The following SCNN1B variants were observed in gnomAD, a reference collection of about 807,000 sequenced individuals.
SCNN1B encodes epithelial sodium channel subunit beta.
In SCNN1B, 46 loss-of-function variants were observed where a neutral mutation model predicts 65.3. That is an observed-to-expected ratio of 0.70 (90% CI 0.56 to 0.90). The LOEUF is 0.90. Among genes scored for constraint, SCNN1B ranks in the 40% least tolerant of loss-of-function variants. The pLI, the probability that SCNN1B is intolerant of heterozygous loss-of-function variation, is 0.00. For synonymous variants in SCNN1B, 349 were observed against 330.6 expected (o/e 1.06, Z -0.60); for missense variants, 751 against 830.5 (o/e 0.90, Z 1.18).
At chr16:23,311,596 G>T (rs60280007) in intron 1 of SCNN1B, among the ~76,000 whole-genome samples, 2 of 152,134 alleles carry the variant, frequency 1.3e-5, no homozygotes, top group African/African-American at 4.8e-5. Context: ...ACCCCAGGAG[G>T]GATTACCTTT....
chr16:23,378,822 G>T (rs534147328), intron 11 of SCNN1B, 55 bp downstream of exon 11: 2 of 1,541,232 alleles, frequency 1.3e-6, no homozygotes, highest in Admixed American at 3.3e-5. Context: ...CCAGAAACTC[G>T]GGGCAGGAGT....
Position 23,348,282 on chromosome 16 carries a change from A to G in SCNN1B, c.-8-310A>G, listed in dbSNP as rs1962229044. Among the ~76,000 whole-genome samples the G allele has an allele frequency of 1.3e-5, 2 of 152,178 alleles. 1 individual carries two copies. On this transcript the variant is annotated intron_variant, in intron 1 of 12. Coordinates refer to ENST00000343070, the MANE Select transcript of SCNN1B (RefSeq NM_000336.3). This position sits in a 1 kb window ranked among gnomAD's most constrained non-coding sequence, Gnocchi z 4.5. ...TGAGAGTTTAAGTCACTTGTTCACT[A>G]GGTTATGAATTCCCAAAGGGCAAAA...
chr16:23,352,942 C>T lies in SCNN1B; in HGVS notation c.453C>T (p.Val151=). Residue 151 remains valine (V), a synonymous_variant, in exon 3 of 13, where the codon GTC becomes GTT. Transcript: ENST00000343070. ...CCATCTGGAACCACACACCCCTGGT[C>T]CTTATTGATGAACGGAACCCCCACC... ...NFSIWNHTPL[V]LIDERNPHHP... The T allele has an allele frequency of 1.2e-6, 2 of 1,614,168 alleles. No homozygotes were observed. The highest frequency in any genetic ancestry group is 1.7e-6 in the Non-Finnish European group (2 of 1,180,018).
chr16:23,376,174 C>A (rs1379025145), intron 8 of SCNN1B, among the ~76,000 whole-genome samples: 1 of 152,232 alleles, frequency 6.6e-6, no homozygotes, highest in African/African-American at 2.4e-5. Flanking sequence ...TGGCTGCTGG[C>A]GAGTGTGTGC....
Position 23,348,983 on chromosome 16 carries a change from C to A in SCNN1B, c.311+73C>A. The A allele has an allele frequency of 8.1e-7, 1 of 1,229,188 alleles. No individual in the cohort carries two copies. Among genetic ancestry groups the A allele is most frequent in the Middle Eastern group, 1.9e-4 (1 of 5,328 alleles). The allele number at this position is 1,229,188 out of a possible 1,614,324, so 76.1% of individuals were successfully genotyped here. On this transcript the variant is annotated intron_variant, in intron 2 of 12. Transcript: ENST00000343070. This position sits in a 1 kb window ranked among gnomAD's most constrained non-coding sequence, Gnocchi z 4.5. Reference sequence around the variant, plus strand: ...TCTTTCTCTCTTTTCTTCCCTTCTACCTTTCCTTTCCTTCCTTTCCTTCCT... The same window carrying A: ...TCTTTCTCTCTTTTCTTCCCTTCTAACTTTCCTTTCCTTCCTTTCCTTCCT...
chr16:23,369,525 G>A (rs1288120028), intron 5 of SCNN1B, among the ~76,000 whole-genome samples: 1 of 152,148 alleles, frequency 6.6e-6, no homozygotes, highest in Non-Finnish European at 1.5e-5. Flanking sequence ...GGGGCTGGTG[G>A]ACTCAGGCTG....
chr16:23,291,742 ATT>A (rs10707900), intron 2 of SCNN1B, among the ~76,000 whole-genome samples: 117 of 131,460 alleles, frequency 8.9e-4, no homozygotes, highest in Middle Eastern at 3.9e-3. Context: ...CACGCAGCTA[ATT>A]TTTTTTTTTT....
chr16:23,304,898 T>C (rs1961161970), intron 1 of SCNN1B, among the ~76,000 whole-genome samples: 1 of 151,972 alleles, frequency 6.6e-6, no homozygotes, highest in Non-Finnish European at 1.5e-5. Flanking sequence ...GGTGGATTAG[T>C]GGGGTGATGT....
intron 2 of SCNN1B, among the ~76,000 whole-genome samples, chr16:23,290,522 G>A (rs1257734161): frequency 6.6e-6 from 1 of 152,128 alleles, no homozygotes; most frequent in Non-Finnish European, 1.5e-5. Flanking sequence ...TGCCCAGGCT[G>A]TTCTCAAACG....
intron 1 of SCNN1B, among the ~76,000 whole-genome samples, chr16:23,327,258 A>G (rs1396463441): frequency 6.6e-6 from 1 of 151,892 alleles, no homozygotes; most frequent in Non-Finnish European, 1.5e-5. Context: ...TTGGCTGGGA[A>G]TGGTGGCTCA....
chr16:23,341,863 C>T (rs1962061481), intron 1 of SCNN1B, among the ~76,000 whole-genome samples: 1 of 152,140 alleles, frequency 6.6e-6, no homozygotes, highest in Admixed American at 6.5e-5. Flanking sequence ...GATTAGAACT[C>T]TCACACACCG....
intron 1 of SCNN1B, among the ~76,000 whole-genome samples, chr16:23,347,200 C>T (rs1962208357): frequency 6.6e-6 from 1 of 152,102 alleles, no homozygotes; most frequent in African/African-American, 2.4e-5. Context: ...CCCAATCTTT[C>T]CTGTCATGTT....
chr16:23,338,468 T>C (rs1961988973), intron 1 of SCNN1B, among the ~76,000 whole-genome samples: 1 of 152,220 alleles, frequency 6.6e-6, no homozygotes, highest in Non-Finnish European at 1.5e-5. Context: ...TAACCTTCAA[T>C]TAACTTTAAA....
Position 23,381,113 on chromosome 16 carries a change from T to G in SCNN1B, c.*312T>G. 2.3e-6 allele frequency: 1 copy of G among 426,774 alleles called. No homozygotes were observed. The highest frequency in any genetic ancestry group is 4.4e-6 in the Non-Finnish European group (1 of 229,214). 26.4% of individuals were successfully genotyped at this position (426,774 alleles called of 1,614,324 possible). A position where few individuals can be genotyped will look rare whatever the true frequency, so the allele number is the denominator to read the frequency against. ...CTCTCCTGGTGGCAGGCCACTTCCC[T>G]CCCAGTGCCAGTCTCCATCCACCCC... On this transcript the variant is annotated 3_prime_UTR_variant, in exon 13 of 13. Transcript: ENST00000343070.
chr16:23,285,650 A>C (rs1009849766), intron 2 of SCNN1B, among the ~76,000 whole-genome samples: 2 of 132,660 alleles, frequency 1.5e-5, no homozygotes, highest in African/African-American at 6.6e-5. Flanking sequence ...AAGAGTAAAA[A>C]AACAATAATA....
At position 23,285,662 on chromosome 16, in the gene SCNN1B, TA is replaced by T. The variant is rs545212473; in HGVS notation, n.178+1867del. ...AGCAAGAGTAAAAAAACAATAATAATAAAAAAAAATAATAAAAAATACAATA... is the reference window on the plus strand; with the variant it reads ...AGCAAGAGTAAAAAAACAATAATAATAAAAAAAATAATAAAAAATACAATA... On this transcript the variant is annotated intron_variant and non_coding_transcript_variant, in intron 2 of 3. Transcript: ENST00000569789. 5.5e-3 allele frequency among the ~76,000 whole-genome samples: 641 copies of T among 116,710 alleles called. 5 individuals are homozygous for T. The highest frequency in any genetic ancestry group is 0.011 in the African/African-American group (248 of 23,264). The allele number at this position is 116,710 out of a possible 152,430, so 76.6% of individuals were successfully genotyped here.
intron 1 of SCNN1B, among the ~76,000 whole-genome samples, chr16:23,315,541 C>T (rs187124706): frequency 2.7e-3 from 417 of 152,122 alleles, no homozygotes; most frequent in African/African-American, 9.8e-3. Context: ...CAGTGGCTCA[C>T]GCCTGTAATC....
intron 1 of SCNN1B, among the ~76,000 whole-genome samples, chr16:23,311,148 T>C (rs1350897619): frequency 6.6e-6 from 1 of 152,252 alleles, no homozygotes; most frequent in Non-Finnish European, 1.5e-5. Context: ...AGTGGTTATC[T>C]CTGCATTGGG....
chr16:23,360,835 C>T (rs1298393731), intron 4 of SCNN1B, among the ~76,000 whole-genome samples: 3 of 151,796 alleles, frequency 2.0e-5, no homozygotes, highest in Non-Finnish European at 2.9e-5. Context: ...CACTCTGTCG[C>T]CCAGGCTGGA....
Sources: allele counts gnomAD v4.1 joint callset (sites outside exome capture counted in the v4.1 genomes callset), GRCh38; gene constraint gnomAD v4.1.1; non-coding constraint Gnocchi (gnomAD v3.1); transcripts MANE v1.5; gene names NCBI Gene and HGNC (gene_info 2026-07-23, HGNC 2026-07-21).